Variants in PHF3 observed in about 807,000 individuals in gnomAD.
PHF3 encodes PHD finger protein 3.
PHF3 carries 41 observed loss-of-function variants against 178.4 expected under a neutral mutation model. The observed-to-expected ratio is 0.23, with a 90% CI of 0.18 to 0.30. The LOEUF (loss-of-function observed/expected upper bound fraction) is 0.30, where lower values mean the gene tolerates loss of function less well. Among genes scored for constraint, PHF3 ranks in the 10% least tolerant of loss-of-function variants. PHF3 has a pLI of 1.00. For missense variants in PHF3, 2,346 were observed against 2,398.1 expected (o/e 0.98, Z 0.45); for synonymous variants, 842 against 800.5 (o/e 1.05, Z -0.88).
intron 2 of PHF3, among the ~76,000 whole-genome samples, chr6:63,669,438 C>T (rs188355439): frequency 2.6e-4 from 40 of 152,258 alleles, no homozygotes; most frequent in Non-Finnish European, 4.7e-4. Context: ...ATGTGTTTCT[C>T]GTCTTTTTAT....
At chr6:63,655,813 C>CT (rs941338186) in intron 2 of PHF3, among the ~76,000 whole-genome samples, 8 of 151,816 alleles carry the variant, frequency 5.3e-5, no homozygotes, top group African/African-American at 1.4e-4. Flanking sequence ...TCTTCTTTTT[C>CT]TTTTTTTGTT....
Position 63,722,292 on chromosome 6 carries a change from C to A in PHF3, c.*8584C>A, listed in dbSNP as rs1417885406. On this transcript the variant is annotated 3_prime_UTR_variant, in exon 16 of 16. Coordinates refer to ENST00000262043, the MANE Select transcript of PHF3 (RefSeq NM_001370348.2). Reference sequence around the variant, plus strand: ...CGCCTGTTTTCTAGGAACACTCCGCCACCCCATTCCACCTCAACTAGATAA... The same window carrying A: ...CGCCTGTTTTCTAGGAACACTCCGCAACCCCATTCCACCTCAACTAGATAA... Among the ~76,000 whole-genome samples the A allele has an allele frequency of 6.6e-6, 1 of 152,110 alleles. No homozygotes were observed. Among genetic ancestry groups the A allele is most frequent in the Non-Finnish European group, 1.5e-5 (1 of 68,016 alleles).
In PHF3 at chr6:63,685,300, A is replaced by C. The variant is rs1766637557; in HGVS notation, c.1578A>C (p.Lys526Asn). 6.2e-7 allele frequency: 1 copy of C among 1,614,040 alleles called. No homozygotes were observed. Among genetic ancestry groups the C allele is most frequent in the Non-Finnish European group, 8.5e-7 (1 of 1,180,020 alleles). Residue 526 changes from lysine (K) to asparagine (N), a missense_variant, in exon 4 of 16, where the codon AAA becomes AAC. By Grantham distance (94) the Lys-to-Asn change is moderately conservative. Coordinates refer to ENST00000262043, the MANE Select transcript of PHF3 (RefSeq NM_001370348.2). ...ATAGCAAAACTAAAGTTAATGTCAA[A>C]AGTGTGAAACGAAATACTGATGTAC... The part of the protein sequence containing the change: ...VIHSKTKVNV[K>N]SVKRNTDVPE...
chr6:63,684,249 C>G lies in PHF3; in HGVS notation c.527C>G (p.Pro176Arg). 1.2e-6 allele frequency: 2 copies of G among 1,613,832 alleles called. No individual in the cohort carries two copies. Among genetic ancestry groups the G allele is most frequent in the South Asian group, 2.2e-5 (2 of 91,078 alleles). ...VSTAKAGVKQ[P>R]ERSQVKEEVC... Reference sequence around the variant, plus strand: ...ACTGCTAAAGCAGGAGTGAAACAACCAGAAAGGAGTCAGGTTAAAGAAGAA... The same window carrying G: ...ACTGCTAAAGCAGGAGTGAAACAACGAGAAAGGAGTCAGGTTAAAGAAGAA... The change falls in exon 4 of 16, where the codon CCA becomes CGA. Residue 176 changes from proline (P) to arginine (R), a missense_variant. Coordinates refer to ENST00000262043, the MANE Select transcript of PHF3 (RefSeq NM_001370348.2).
rs144413593 is a variant in PHF3, at chr6:63,655,372, C to T, written c.244+8577C>T. Among the ~76,000 whole-genome samples, 621 of 152,044 alleles carry T rather than the reference C, an allele frequency of 4.1e-3. 7 individuals carry two copies. The highest frequency in any genetic ancestry group is 0.014 in the African/African-American group (598 of 41,464). On this transcript the variant is annotated intron_variant, in intron 2 of 15. Transcript: ENST00000262043. ...GATTACAGGTGTGAGCCACCATGCC[C>T]GGCCTGTTTTTGTGTTTTTTTGTAG...
rs1298757824 is a variant in PHF3, at chr6:63,712,703, G to A, written c.5115G>A (p.Glu1705=). 6.2e-7 allele frequency: 1 copy of A among 1,613,828 alleles called. No individual in the cohort carries two copies. ...INVEEKLCSA[E]KNSCVQQSDN... ...TAGAGGAAAAGTTGTGTTCTGCAGA[G>A]AAAAACTCGTGTGTTCAGCAGAGTG... is the stretch of plus-strand genomic sequence containing the variant. Residue 1705 remains glutamate (E), a synonymous_variant, in exon 16 of 16, where the codon GAG becomes GAA. Transcript: ENST00000262043.
intron 4 of PHF3, chr6:63,686,394 A>C (rs1375536372): frequency 6.6e-6 from 1 of 152,548 alleles, no homozygotes; most frequent in Non-Finnish European, 1.5e-5. Context: ...TTTCATAACT[A>C]TCAAACTTTA....
In PHF3 at chr6:63,724,850, G is replaced by A. The variant is rs185218346; in HGVS notation, c.*11142G>A. ...TAAAATTTTTGGATTTTAACTTTGT[G>A]TATTGTTTGGTTAGTTTTTACTAAT... On this transcript the variant is annotated 3_prime_UTR_variant, in exon 16 of 16. Transcript: ENST00000262043. Among the ~76,000 whole-genome samples, 1 of 152,160 alleles carries A rather than the reference G, an allele frequency of 6.6e-6. No individual in the cohort carries two copies. The highest frequency in any genetic ancestry group is 6.5e-5 in the Admixed American group (1 of 15,288).
At chr6:63,705,044 A>G (rs537100777) in intron 11 of PHF3, among the ~76,000 whole-genome samples, 2 of 152,244 alleles carry the variant, frequency 1.3e-5, no homozygotes, top group South Asian at 2.1e-4. Context: ...GCATCTTTTC[A>G]TGCTTATATG....
rs1363341789 is a variant in PHF3 at position 63,716,144 on chromosome 6, T to C, written c.*2436T>C. Among the ~76,000 whole-genome samples the C allele has an allele frequency of 1.3e-5, 2 of 152,104 alleles. No individual in the cohort carries two copies. Among genetic ancestry groups the C allele is most frequent in the Non-Finnish European group, 2.9e-5 (2 of 68,012 alleles). On this transcript the variant is annotated 3_prime_UTR_variant, in exon 16 of 16. Transcript: ENST00000262043. The stretch of plus-strand genomic sequence containing the variant: ...TGGTTTTGAGCACTTAGTATAAACA[T>C]TGGTCAACTCAAAGGTGAAGGCTTA...
intron 2 of PHF3, among the ~76,000 whole-genome samples, chr6:63,675,158 A>G (rs916850313): frequency 6.6e-6 from 1 of 152,146 alleles, no homozygotes; most frequent in African/African-American, 2.4e-5. Flanking sequence ...GCTCGAAGAG[A>G]TTTCTGAGTA....
intron 6 of PHF3, among the ~76,000 whole-genome samples, chr6:63,695,296 A>G (rs1767185822): frequency 6.6e-6 from 1 of 152,180 alleles, no homozygotes. Flanking sequence ...GTAATACATA[A>G]AGGGATAGAA....
intron 5 of PHF3, among the ~76,000 whole-genome samples, chr6:63,694,330 C>A (rs1767139269): frequency 6.6e-6 from 1 of 152,110 alleles, no homozygotes; most frequent in African/African-American, 2.4e-5. Context: ...ATATCCAGAG[C>A]CAAATAAGAG....
chr6:63,675,823 C>T (rs1290465630), intron 2 of PHF3, among the ~76,000 whole-genome samples: 1 of 152,142 alleles, frequency 6.6e-6, no homozygotes, highest in East Asian at 1.9e-4. Context: ...CCCCTTCCTT[C>T]TCTTCACTTT....
At chr6:63,668,806 G>A (rs554409365) in intron 2 of PHF3, among the ~76,000 whole-genome samples, 4 of 152,146 alleles carry the variant, frequency 2.6e-5, no homozygotes, top group South Asian at 2.1e-4. Flanking sequence ...TTTTGTTACT[G>A]TTATAGAGGC....
Position 63,685,782 on chromosome 6 carries a change from C to CA in PHF3, c.2061dup (p.Leu688IlefsTer6), listed in dbSNP as rs751345728. On this transcript the variant is annotated frameshift_variant, in exon 4 of 16. Coordinates refer to ENST00000262043, the MANE Select transcript of PHF3 (RefSeq NM_001370348.2). LOFTEE classifies it high-confidence loss of function. ...AAAAGTTTTTCTTTAGATGAGCCACCATTGTTCATTCCAGATAACATAGCT... is the reference window on the plus strand; with the variant it reads ...AAAAGTTTTTCTTTAGATGAGCCACCAATTGTTCATTCCAGATAACATAGCT... 6.2e-7 allele frequency: 1 copy of CA among 1,614,012 alleles called. No individual in the cohort carries two copies. The highest frequency in any genetic ancestry group is 8.5e-7 in the Non-Finnish European group (1 of 1,180,010).
intron 13 of PHF3, among the ~76,000 whole-genome samples, chr6:63,708,287 C>T (rs940898762): frequency 6.6e-6 from 1 of 152,158 alleles, no homozygotes; most frequent in South Asian, 2.1e-4. Flanking sequence ...TCTTCTTGAG[C>T]AAATCTGTTT....
intron 1 of PHF3, among the ~76,000 whole-genome samples, chr6:63,646,220 A>C (rs1764777840): frequency 6.6e-6 from 1 of 152,134 alleles, no homozygotes. Flanking sequence ...ATTCTTTTGT[A>C]TGTGTCAAGT....
chr6:63,652,368 G>A (rs1160630359), intron 2 of PHF3, among the ~76,000 whole-genome samples: 2 of 151,986 alleles, frequency 1.3e-5, no homozygotes, highest in Non-Finnish European at 2.9e-5. Flanking sequence ...CAGCTTATTT[G>A]CTCATTTAAA....
Sources: gnomAD v4.1 joint callset for allele counts (sites outside exome capture counted in the v4.1 genomes callset) on GRCh38, gnomAD v4.1.1 for gene constraint, MANE v1.5 for transcripts, NCBI Gene and HGNC (gene_info 2026-07-23, HGNC 2026-07-21) for gene names.